Variants in DKKL1 observed in about 807,000 individuals in gnomAD.
The protein encoded by DKKL1 is dickkopf like acrosomal protein 1.
Under a neutral mutation model 16.5 loss-of-function variants are expected in DKKL1, and 11 were observed. That is an observed-to-expected ratio of 0.67 (90% confidence interval 0.42 to 1.10). The LOEUF (loss-of-function observed/expected upper bound fraction) is 1.10. DKKL1 is among the 50% of genes least tolerant of loss of function. The pLI is 0.00. For missense variants in DKKL1, 320 were observed against 308.1 expected, an observed-to-expected ratio of 1.04 and a Z score of -0.29; for synonymous variants, 119 against 133.2, an observed-to-expected ratio of 0.89 and a Z score of 0.73.
intron 4 of DKKL1, among the ~76,000 whole-genome samples, chr19:49,372,556 T>C (rs1349449989): frequency 6.6e-6 from 1 of 151,818 alleles, no homozygotes; most frequent in Admixed American, 6.6e-5. Context: ...TAGCCAGGCA[T>C]GGTGGCAGGC....
At chr19:49,374,034 G>C in intron 4 of DKKL1, among the ~76,000 whole-genome samples, 1 of 151,808 alleles carries the variant, frequency 6.6e-6, no homozygotes, top group Non-Finnish European at 1.5e-5. Context: ...ACCCAGGCTG[G>C]AGTGCAGTGG....
rs769258136 is a variant in DKKL1 at position 49,364,631 on chromosome 19, C to CCT, written c.65_66dup (p.Thr23LeufsTer4). 6.2e-7 allele frequency: 1 copy of CCT among 1,613,588 alleles called. No individual in the cohort carries two copies. Among genetic ancestry groups the CCT allele is most frequent in the East Asian group, 2.2e-5 (1 of 44,886 alleles). ...GGCATCTGCTGGTCCTGCTGCTGCT[C>CCT]CTCTCTACCCTGGTGATCCCCTCCG... is the stretch of plus-strand genomic sequence containing the variant. On this transcript the variant is annotated frameshift_variant, in exon 2 of 5. Transcript: ENST00000221498. LOFTEE classifies it high-confidence loss of function.
chr19:49,368,546 A>G (rs1022032968), intron 4 of DKKL1, among the ~76,000 whole-genome samples: 1 of 151,102 alleles, frequency 6.6e-6, no homozygotes, highest in East Asian at 1.9e-4. Context: ...TTTTTTTTAA[A>G]AAACATACTT....
intron 4 of DKKL1, among the ~76,000 whole-genome samples, chr19:49,371,477 T>G (rs1447028292): frequency 2.0e-5 from 3 of 152,130 alleles, no homozygotes; most frequent in African/African-American, 4.8e-5. Context: ...GTTTTACTAG[T>G]TTTTTTTGGA....
intron 4 of DKKL1, among the ~76,000 whole-genome samples, chr19:49,373,481 G>T (rs1486412340): frequency 6.6e-6 from 1 of 151,870 alleles, no homozygotes; most frequent in Non-Finnish European, 1.5e-5. Flanking sequence ...TTGTTCGTTT[G>T]TTTTTTAAGC....
At chr19:49,368,515 A>T (rs1973348582) in intron 4 of DKKL1, among the ~76,000 whole-genome samples, 2 of 151,672 alleles carry the variant, frequency 1.3e-5, no homozygotes, top group Admixed American at 1.3e-4. Context: ...AAATAAATAA[A>T]ATTTCAAGAC....
chr19:49,366,910 G>GTTTC (rs1308498499), intron 4 of DKKL1, among the ~76,000 whole-genome samples: 3 of 151,924 alleles, frequency 2.0e-5, no homozygotes, highest in Admixed American at 2.0e-4. Context: ...GTTTCGCCAT[G>GTTTC]TTTCCCAGGC....
chr19:49,363,128 G>C (rs7250522), upstream of DKKL1: 3 of 151,478 alleles, frequency 2.0e-5, no homozygotes, highest in African/African-American at 7.3e-5. Context: ...CGGCTGTCCC[G>C]GGACGGGGAA....
chr19:49,373,470 T>G (rs1202957782), intron 4 of DKKL1, among the ~76,000 whole-genome samples: 2 of 152,214 alleles, frequency 1.3e-5, no homozygotes, highest in East Asian at 1.9e-4. Flanking sequence ...AATATGGTTG[T>G]TTGTTCGTTT....
upstream of DKKL1, chr19:49,363,612 C>A (rs914791892): frequency 7.4e-5 from 25 of 338,282 alleles, no homozygotes; most frequent in Non-Finnish European, 1.3e-4. Flanking sequence ...AATCAGAGAA[C>A]ACCGCCAGGA....
chr19:49,364,349 A>AT (rs974816033), intron 1 of DKKL1, among the ~76,000 whole-genome samples: 1 of 147,512 alleles, frequency 6.8e-6, no homozygotes, highest in African/African-American at 2.5e-5. Context: ...CTCGGTCTCA[A>AT]AAAAAAAAAA....
chr19:49,363,832 A>T, upstream of DKKL1: 1 of 978,184 alleles, frequency 1.0e-6, no homozygotes, highest in Non-Finnish European at 1.6e-6. Flanking sequence ...GTCAGACAAT[A>T]GGGGCGTGGC....
chr19:49,372,330 A>C lies in DKKL1; in HGVS notation c.418-2387A>C, dbSNP rs190031610. ...AGTCCCAGCACTTTGGGAGGCAGAG[A>C]CGGGCGGATCATGAGGTCAGGAGTT... On this transcript the variant is annotated intron_variant, in intron 4 of 4. Transcript: ENST00000221498. Among the ~76,000 whole-genome samples the C allele has an allele frequency of 3.3e-5, 5 of 151,050 alleles. No individual in the cohort carries two copies. The East Asian group carries it at 9.8e-4, about 30-fold the overall frequency.
In DKKL1 at chr19:49,364,630, T is replaced by C. The variant is rs1209537083; in HGVS notation, c.59T>C (p.Leu20Pro). 1.2e-6 allele frequency: 2 copies of C among 1,613,516 alleles called. No homozygotes were observed. Among genetic ancestry groups the C allele is most frequent in the Non-Finnish European group, 1.7e-6 (2 of 1,180,016 alleles). ...CGGCATCTGCTGGTCCTGCTGCTGCTCCTCTCTACCCTGGTGATCCCCTCC... is the reference window on the plus strand; with the variant it reads ...CGGCATCTGCTGGTCCTGCTGCTGCCCCTCTCTACCCTGGTGATCCCCTCC... ...ARRHLLVLLL[L>P]LSTLVIPSAA... Residue 20 changes from leucine to proline, a missense_variant, in exon 2 of 5, where the codon CTC becomes CCC. Leu to Pro is a moderately conservative substitution (Grantham distance 98). Transcript: ENST00000221498.
At chr19:49,368,974 T>C (rs1196848574) in intron 4 of DKKL1, 6 of 152,194 alleles carry the variant, frequency 3.9e-5, no homozygotes, top group Non-Finnish European at 5.9e-5. Flanking sequence ...CCTTTACCTA[T>C]TTAAGAAAGT....
upstream of DKKL1, among the ~76,000 whole-genome samples, chr19:49,362,923 T>TG (rs1973057392): frequency 2.3e-5 from 3 of 132,302 alleles, no homozygotes; most frequent in South Asian, 2.2e-4. Context: ...TTTTTTGTTT[T>TG]TTGTTTTTTT....
chr19:49,366,283 T>C (rs7249190), intron 4 of DKKL1, among the ~76,000 whole-genome samples: 86,937 of 151,916 alleles, frequency 0.57, 25,816 homozygotes, highest in African/African-American at 0.74. Context: ...ACTGACCCTC[T>C]TACTCCTCTG....
At position 49,374,932 on chromosome 19, in the gene DKKL1, C is replaced by T. The variant is rs763530004; in HGVS notation, c.633C>T (p.Asp211=). 17 of 1,613,836 alleles carry T rather than the reference C, an allele frequency of 1.1e-5. No individual in the cohort carries two copies. Among genetic ancestry groups the T allele is most frequent in the Middle Eastern group, 1.6e-4 (1 of 6,084 alleles). ...GACTCCGCAAGGGGACCCACAAGGA[C>T]GTCCTAGAAGAGGGGACCGAGAGCT... ...RDGLRKGTHK[D]VLEEGTESSS... The change falls in exon 5 of 5, where the codon GAC becomes GAT. Residue 211 remains aspartate (D), a synonymous_variant. Transcript: ENST00000221498.
chr19:49,365,858 G>T lies in DKKL1; in HGVS notation c.390G>T (p.Ala130=). Residue 130 remains alanine (A), a synonymous_variant, in exon 4 of 5, where the codon GCG becomes GCT. Transcript: ENST00000221498. ...SENVVASIQP[A]EGSFEGDLKV... ...ATGTGGTGGCATCCATTCAACCAGC[G>T]GAGGGGAGCTTCGAGGGTGATTTGA... 6.2e-7 allele frequency: 1 copy of T among 1,614,116 alleles called. No homozygotes were observed. The highest frequency in any genetic ancestry group is 8.5e-7 in the Non-Finnish European group (1 of 1,180,014).
Sources: gnomAD v4.1 joint callset for allele counts (sites outside exome capture counted in the v4.1 genomes callset) on GRCh38, gnomAD v4.1.1 for gene constraint, MANE v1.5 for transcripts, NCBI Gene and HGNC (gene_info 2026-07-23, HGNC 2026-07-21) for gene names.